UBE3D: variants seen among roughly 807,000 people sequenced by gnomAD.
UBE3D encodes ubiquitin protein ligase E3D, also known as E3 ubiquitin-protein ligase E3D.
A neutral mutation model predicts 49.6 loss-of-function variants in UBE3D; 48 were observed. The ratio of observed to expected loss-of-function variants is 0.97; its 90% CI spans 0.77 to 1.23. UBE3D has a LOEUF of 1.23. UBE3D is among the 50% of genes most tolerant of loss of function. The probability of loss-of-function intolerance (pLI) is 0.00; values close to 1 mark genes in which losing one functional copy is unlikely to be tolerated. For synonymous variants in UBE3D, 189 were observed against 174.2 expected, an observed-to-expected ratio of 1.08 and a Z score of -0.67; for missense variants, 452 against 468.4, an observed-to-expected ratio of 0.96 and a Z score of 0.32.
intron 3 of UBE3D, among the ~76,000 whole-genome samples, chr6:83,045,845 G>A (rs1016267917): frequency 6.6e-6 from 1 of 152,058 alleles, no homozygotes; most frequent in South Asian, 2.1e-4. Flanking sequence ...TCTAATTTAT[G>A]ATAATACTTT....
At chr6:83,034,668 C>T (rs572242165) in intron 5 of UBE3D, among the ~76,000 whole-genome samples, 1 of 152,148 alleles carries the variant, frequency 6.6e-6, no homozygotes, top group Non-Finnish European at 1.5e-5. Flanking sequence ...CTCTCTCTCT[C>T]CTGCCCCCTT....
At chr6:82,925,450 G>A (rs1359952335) in intron 9 of UBE3D, among the ~76,000 whole-genome samples, 2 of 152,090 alleles carry the variant, frequency 1.3e-5, no homozygotes, top group Non-Finnish European at 2.9e-5. Context: ...ACAGCAGCAC[G>A]TGATGAGACT....
At chr6:82,933,394 C>G (rs1774316698) in intron 9 of UBE3D, among the ~76,000 whole-genome samples, 2 of 152,192 alleles carry the variant, frequency 1.3e-5, no homozygotes, top group Non-Finnish European at 1.5e-5. Flanking sequence ...TTGCATGCAA[C>G]TCTAAAAGTA....
At chr6:83,048,701 C>T (rs1783248513) in intron 3 of UBE3D, among the ~76,000 whole-genome samples, 1 of 152,132 alleles carries the variant, frequency 6.6e-6, no homozygotes, top group African/African-American at 2.4e-5. Context: ...ATCTGCAAGT[C>T]ATTGCAAAGA....
At chr6:82,920,579 A>G (rs1303009512) in intron 9 of UBE3D, among the ~76,000 whole-genome samples, 1 of 152,322 alleles carries the variant, frequency 6.6e-6, no homozygotes, top group East Asian at 1.9e-4. Context: ...GAACCTCTCC[A>G]AAGTTTCGGT....
At chr6:83,015,572 T>C (rs1018187998) in intron 8 of UBE3D, among the ~76,000 whole-genome samples, 1 of 152,198 alleles carries the variant, frequency 6.6e-6, no homozygotes, top group African/African-American at 2.4e-5. Context: ...ATGCCTGTTT[T>C]CCAGATTTCT....
intron 9 of UBE3D, among the ~76,000 whole-genome samples, chr6:82,926,742 A>G (rs1274067043): frequency 6.6e-6 from 1 of 152,050 alleles, no homozygotes; most frequent in Admixed American, 6.6e-5. Flanking sequence ...CTTTAGTGAC[A>G]TGCTTCTTAA....
At chr6:82,885,724 G>A in the UBE3D span, among the ~76,000 whole-genome samples, 3 of 152,116 alleles carry the variant, frequency 2.0e-5, no homozygotes, top group Non-Finnish European at 4.4e-5. Context: ...GGAGGAAGGG[G>A]ATTGTTCTGC....
Position 83,018,957 on chromosome 6 carries a change from C to T in UBE3D, c.1010+16G>A, listed in dbSNP as rs749775184. The T allele has an allele frequency of 3.1e-6, 5 of 1,609,456 alleles. No individual in the cohort carries two copies. The highest frequency in any genetic ancestry group is 1.1e-5 in the South Asian group (1 of 90,006). ...TAAAACATAATGTGGAAAGAGAAAA[C>T]AAATGCACAACTTACTTTTCATTCC... On this transcript the variant is annotated intron_variant, in intron 8 of 9. Transcript: ENST00000369747.
intron 9 of UBE3D, among the ~76,000 whole-genome samples, chr6:82,952,253 C>T (rs1368695929): frequency 1.3e-5 from 2 of 152,062 alleles, no homozygotes; most frequent in Admixed American, 1.3e-4. Flanking sequence ...ATGTTGTGCA[C>T]CTGTGCTCAG....
intron 9 of UBE3D, among the ~76,000 whole-genome samples, chr6:82,946,089 A>G (rs970245366): frequency 2.0e-5 from 3 of 152,194 alleles, no homozygotes; most frequent in African/African-American, 7.2e-5. Context: ...GGAAGTAAGT[A>G]CATTCAAAGG....
chr6:82,976,213 ATTT>A lies in UBE3D; in HGVS notation c.1011-18766_1011-18764del, dbSNP rs1453617754. ...AACACTCAACCTAACATCCATTCAT[ATTT>A]TTTATTATGTTCAATAAAATCATAA... On this transcript the variant is annotated intron_variant, in intron 8 of 9. Transcript: ENST00000369747. Among the ~76,000 whole-genome samples the A allele has an allele frequency of 2.0e-5, 3 of 152,274 alleles. No homozygotes were observed. In the East Asian group the frequency reaches 5.8e-4, roughly 29 times the overall value.
chr6:82,899,395 A>C (rs1481369144), intron 9 of UBE3D, among the ~76,000 whole-genome samples: 3 of 152,210 alleles, frequency 2.0e-5, no homozygotes, highest in Non-Finnish European at 4.4e-5. Context: ...AAAAGGTAGA[A>C]AGAAAAAAAG....
intron 9 of UBE3D, among the ~76,000 whole-genome samples, chr6:82,902,606 T>A (rs1472172667): frequency 6.6e-6 from 1 of 152,026 alleles, no homozygotes; most frequent in Non-Finnish European, 1.5e-5. Flanking sequence ...ATTGCAGGGG[T>A]TAAGGATGTT....
intron 5 of UBE3D, among the ~76,000 whole-genome samples, chr6:83,034,183 G>C (rs1020448488): frequency 1.3e-5 from 2 of 151,956 alleles, no homozygotes; most frequent in African/African-American, 2.4e-5. Context: ...TGGAATCCTA[G>C]TGATTTACTT....
chr6:82,940,126 C>A (rs1774902899), intron 9 of UBE3D, among the ~76,000 whole-genome samples: 1 of 152,168 alleles, frequency 6.6e-6, no homozygotes, highest in African/African-American at 2.4e-5. Flanking sequence ...TTCTGGTTAA[C>A]CTCCAGGCTG....
Position 82,985,481 on chromosome 6 carries a change from G to C in UBE3D, c.1011-28031C>G, listed in dbSNP as rs142785790. 5.2e-3 allele frequency among the ~76,000 whole-genome samples: 791 copies of C among 152,166 alleles called. 8 individuals carry two copies. The highest frequency in any genetic ancestry group is 0.018 in the African/African-American group (759 of 41,526). On this transcript the variant is annotated intron_variant, in intron 8 of 9. Coordinates refer to ENST00000369747, the MANE Select transcript of UBE3D (RefSeq NM_198920.3). ...AGGTTCAAGCGATTCTCCTGCTTCA[G>C]CCTCCCAAGTAGCTTGGACTACAGG...
chr6:82,972,890 G>T (rs1002510742), intron 8 of UBE3D, among the ~76,000 whole-genome samples: 6 of 152,220 alleles, frequency 3.9e-5, no homozygotes, highest in Admixed American at 3.9e-4. Context: ...AATGAGCTAT[G>T]ATAGAAATAA....
chr6:82,907,293 A>C (rs1235014284), intron 9 of UBE3D, among the ~76,000 whole-genome samples: 2 of 152,244 alleles, frequency 1.3e-5, no homozygotes, highest in African/African-American at 2.4e-5. Context: ...GTAGTTCTGC[A>C]TACCTGTCTG....
Sources: allele counts gnomAD v4.1 joint callset (sites outside exome capture counted in the v4.1 genomes callset), GRCh38; gene constraint gnomAD v4.1.1; transcripts MANE v1.5; gene names NCBI Gene and HGNC (gene_info 2026-07-23, HGNC 2026-07-21).